Variants in IFNGR2 observed in about 807,000 individuals in gnomAD.
IFNGR2 encodes the protein IFN-gamma receptor 2.
A neutral mutation model predicts 41.1 loss-of-function variants in IFNGR2; 15 were observed. The observed-to-expected ratio is 0.37, with a 90% confidence interval of 0.24 to 0.56. The LOEUF (loss-of-function observed/expected upper bound fraction) is 0.56. Ranked by LOEUF, IFNGR2 falls within the 20% of genes least tolerant of loss-of-function variation. The pLI is 0.81. For synonymous variants in IFNGR2, 161 were observed against 171.6 expected (o/e 0.94, Z 0.48); for missense variants, 362 against 415.7 (o/e 0.87, Z 1.12).
At chr21:33,414,849 C>T in intron 1 of IFNGR2, 39 bp from the exon 2 acceptor site, 1 of 1,583,786 alleles carries the variant, frequency 6.3e-7, no homozygotes, top group Non-Finnish European at 8.6e-7. Flanking sequence ...CCTCTCTCTC[C>T]TCCCTTCCTC....
chr21:33,413,909 T>G (rs2083734480), intron 1 of IFNGR2, among the ~76,000 whole-genome samples: 1 of 133,486 alleles, frequency 7.5e-6, no homozygotes, highest in African/African-American at 2.8e-5. Context: ...CTCAGCTCCC[T>G]GCAACCTCTG....
At position 33,432,205 on chromosome 21, in the gene IFNGR2, T is replaced by A. The variant is rs771299405; in HGVS notation, c.590T>A (p.Ile197Asn). The change falls in exon 5 of 7, where the codon ATT (isoleucine) becomes AAT (asparagine). Residue 197 changes from isoleucine (I) to asparagine (N), a missense_variant. Ile to Asn is a moderately radical substitution (Grantham distance 149). Coordinates refer to ENST00000290219, the MANE Select transcript of IFNGR2 (RefSeq NM_005534.4). Reference sequence around the variant, plus strand: ...AAAGGCCCTTTCAGAAGCAACTCCATTTCATTGGATAACTTAAAACCCTCC... The same window carrying A: ...AAAGGCCCTTTCAGAAGCAACTCCAATTCATTGGATAACTTAAAACCCTCC... ...QVKGPFRSNSISLDNLKPSRV... is the reference protein window; with the variant it reads ...QVKGPFRSNSNSLDNLKPSRV... 2 of 1,614,152 alleles carry A rather than the reference T, an allele frequency of 1.2e-6. No homozygotes were observed. The highest frequency in any genetic ancestry group is 1.7e-6 in the Non-Finnish European group (2 of 1,179,984).
chr21:33,422,494 G>C (rs555221344), intron 3 of IFNGR2, among the ~76,000 whole-genome samples: 1 of 152,084 alleles, frequency 6.6e-6, no homozygotes, highest in Non-Finnish European at 1.5e-5. Context: ...ATGGTGTTTT[G>C]GTTATGATTT....
At chr21:33,429,558 C>T (rs2083868233) in intron 4 of IFNGR2, among the ~76,000 whole-genome samples, 1 of 152,138 alleles carries the variant, frequency 6.6e-6, no homozygotes, top group African/African-American at 2.4e-5. Context: ...GGGTAGGCTT[C>T]CAGGAGCCCT....
chr21:33,436,719 C>CA (rs1039163174), intron 6 of IFNGR2, 109 bp from the exon 7 acceptor site: 4,293 of 776,894 alleles, frequency 5.5e-3, no homozygotes, highest in Non-Finnish European at 6.3e-3. Context: ...GACTCCATCT[C>CA]AAAAAAAAAA....
intron 4 of IFNGR2, among the ~76,000 whole-genome samples, chr21:33,429,799 G>A (rs1158269930): frequency 4.0e-5 from 6 of 151,534 alleles, no homozygotes; most frequent in Non-Finnish European, 5.9e-5. Context: ...GTGTAGGGAC[G>A]GTAAGCCACC....
At chr21:33,436,255 T>G (rs1482139815) in intron 6 of IFNGR2, among the ~76,000 whole-genome samples, 1 of 147,892 alleles carries the variant, frequency 6.8e-6, no homozygotes, top group Non-Finnish European at 1.5e-5. Flanking sequence ...CTTGGGAGGC[T>G]GAGGCAGAGG....
At chr21:33,408,908 G>C (rs747482695) in intron 1 of IFNGR2, among the ~76,000 whole-genome samples, 19 of 152,214 alleles carry the variant, frequency 1.2e-4, no homozygotes, top group Non-Finnish European at 2.2e-4. Context: ...GCCAGGTGTG[G>C]TGGCTCACGC....
intron 3 of IFNGR2, among the ~76,000 whole-genome samples, chr21:33,426,023 T>C (rs1198958480): frequency 6.6e-6 from 1 of 152,254 alleles, no homozygotes; most frequent in Non-Finnish European, 1.5e-5. Flanking sequence ...TAACCCCTCA[T>C]TGATAGCACA....
chr21:33,413,259 A>G (rs749388521), intron 1 of IFNGR2, among the ~76,000 whole-genome samples: 1 of 152,164 alleles, frequency 6.6e-6, no homozygotes, highest in Non-Finnish European at 1.5e-5. Flanking sequence ...GCCTCTTGCC[A>G]CGCAGCTTTA....
chr21:33,410,997 G>A (rs1220648899), intron 1 of IFNGR2: 1 of 854,344 alleles, frequency 1.2e-6, no homozygotes, highest in Non-Finnish European at 1.9e-6. Context: ...CGGGGGCCAT[G>A]TGGCCTGGAA....
At position 33,422,885 on chromosome 21, in the gene IFNGR2, A is replaced by G. The variant is rs2083804913; in HGVS notation, c.412+1200A>G. Among the ~76,000 whole-genome samples, 2 of 147,592 alleles carry G rather than the reference A, an allele frequency of 1.4e-5. 1 individual carries two copies. The highest frequency in any genetic ancestry group is 4.2e-4 in the South Asian group (2 of 4,732). ...AGAGTGAAACTCCATCTCAAAAAAA[A>G]AAAAAAAAAAAAAAAAAGCAAAATA... On this transcript the variant is annotated intron_variant, in intron 3 of 6. Coordinates refer to ENST00000290219, the MANE Select transcript of IFNGR2 (RefSeq NM_005534.4).
At chr21:33,435,053 TC>T (rs1249343390) in intron 6 of IFNGR2, among the ~76,000 whole-genome samples, 2 of 152,196 alleles carry the variant, frequency 1.3e-5, no homozygotes, top group Non-Finnish European at 2.9e-5. Flanking sequence ...TTGGTTTTGT[TC>T]CTCTTTCAGT....
rs183048376 is a variant in IFNGR2 at position 33,405,740 on chromosome 21, A to T, written c.73+2124A>T. On this transcript the variant is annotated intron_variant, in intron 1 of 6. Transcript: ENST00000290219. ...ATATGTTGCAAAATAAAAAAATTTT[A>T]AAAAGTGAGGCCAGGCTCGGTGGCT... is the stretch of plus-strand genomic sequence containing the variant. Among the ~76,000 whole-genome samples, 295 of 152,306 alleles carry T rather than the reference A, an allele frequency of 1.9e-3. 1 individual carries two copies. The highest frequency in any genetic ancestry group is 6.8e-3 in the African/African-American group (282 of 41,568).
chr21:33,406,788 C>T (rs1013068921), intron 1 of IFNGR2, among the ~76,000 whole-genome samples: 15 of 151,822 alleles, frequency 9.9e-5, no homozygotes, highest in African/African-American at 2.7e-4. Context: ...GCTGGGACTA[C>T]ACGTGCACGC....
At chr21:33,404,852 G>T (rs1311266275) in intron 1 of IFNGR2, among the ~76,000 whole-genome samples, 1 of 152,190 alleles carries the variant, frequency 6.6e-6, no homozygotes, top group African/African-American at 2.4e-5. Flanking sequence ...AGAAACCCAG[G>T]CTTGGTGGCT....
intron 1 of IFNGR2, among the ~76,000 whole-genome samples, chr21:33,405,190 T>G (rs1293985906): frequency 6.6e-6 from 1 of 152,198 alleles, no homozygotes; most frequent in Non-Finnish European, 1.5e-5. Context: ...TATCTGCTTT[T>G]GTTTTGCTGG....
chr21:33,423,552 G>A (rs986173680), intron 3 of IFNGR2, among the ~76,000 whole-genome samples: 6 of 151,610 alleles, frequency 4.0e-5, no homozygotes, highest in African/African-American at 1.2e-4. Flanking sequence ...ACAGGTGCAC[G>A]CCACTATGCC....
intron 2 of IFNGR2, among the ~76,000 whole-genome samples, chr21:33,420,016 G>A (rs1268066325): frequency 6.6e-6 from 1 of 152,164 alleles, no homozygotes; most frequent in Non-Finnish European, 1.5e-5. Context: ...CCTGAGAGGA[G>A]AGGCTCGTGG....
Sources: gnomAD v4.1 joint callset for allele counts (sites outside exome capture counted in the v4.1 genomes callset) on GRCh38, gnomAD v4.1.1 for gene constraint, MANE v1.5 for transcripts, NCBI Gene and HGNC (gene_info 2026-07-23, HGNC 2026-07-21) for gene names.